Variants in HIPK1 observed in about 807,000 individuals in gnomAD.
The protein encoded by HIPK1 is homeodomain interacting protein kinase 1.
HIPK1 carries 28 observed loss-of-function variants against 117.1 expected under a neutral mutation model. That is an observed-to-expected ratio of 0.24 (90% CI 0.18 to 0.33). The LOEUF is 0.33. Ranked by LOEUF, HIPK1 falls within the 10% of genes least tolerant of loss-of-function variation. The pLI, the probability that HIPK1 is intolerant of heterozygous loss-of-function variation, is 1.00. For synonymous variants in HIPK1, 605 were observed against 562.5 expected, an observed-to-expected ratio of 1.08 and a Z score of -1.07; for missense variants, 1,122 against 1,475.1, an observed-to-expected ratio of 0.76 and a Z score of 3.92.
At chr1:113,957,915 G>A (rs963215766) in intron 7 of HIPK1, 151 bp from the exon 8 acceptor site, 1 of 629,238 alleles carries the variant, frequency 1.6e-6, no homozygotes, top group Non-Finnish European at 2.7e-6. Context: ...AGGGACTAGG[G>A]AAGTTTCTTA....
In HIPK1 at chr1:113,973,428, C is replaced by A. The variant is rs1413810218; in HGVS notation, c.3549C>A (p.Ser1183=). 1.2e-6 allele frequency: 2 copies of A among 1,614,042 alleles called. No individual in the cohort carries two copies. The highest frequency in any genetic ancestry group is 2.2e-5 in the South Asian group (2 of 91,076). The change falls in exon 16 of 16, where the codon TCC becomes TCA. Residue 1183 remains serine (S), a synonymous_variant. Coordinates refer to ENST00000426820, the MANE Select transcript of HIPK1 (RefSeq NM_198268.3). ...ACCAACACCAGTTTGCCACCCAATC[C>A]TACATTGGGTCTTCCCGAGGCTCAA... ...AQYQHQFATQ[S]YIGSSRGSTI...
chr1:113,964,173 G>A (rs919023392), intron 10 of HIPK1, among the ~76,000 whole-genome samples: 4 of 152,178 alleles, frequency 2.6e-5, no homozygotes, highest in African/African-American at 9.7e-5. Flanking sequence ...AGATCATATT[G>A]TAGGTCATAT....
chr1:113,972,947 T>G, intron 15 of HIPK1, 77 bp from the exon 16 acceptor site: 75 of 1,456,708 alleles, frequency 5.1e-5, no homozygotes, highest in Middle Eastern at 1.8e-4. Context: ...AGTCAGAACC[T>G]GAGCTCTTAA....
At chr1:113,956,904 G>A in intron 6 of HIPK1, 93 bp downstream of exon 6, 2 of 1,209,592 alleles carry the variant, frequency 1.7e-6, no homozygotes, top group Admixed American at 4.1e-5. Context: ...CGCCACTTTG[G>A]TGCTTATAAA....
Position 113,968,474 on chromosome 1 carries a change from A to C in HIPK1, c.2597A>C (p.Tyr866Ser), listed in dbSNP as rs761732212. Residue 866 changes from tyrosine (Y) to serine (S), a missense_variant, in exon 13 of 16, where the codon TAT becomes TCT. Coordinates refer to ENST00000426820, the MANE Select transcript of HIPK1 (RefSeq NM_198268.3). ...CTAGATGTTCTGCCTTCCCAAGTCT[A>C]TTCTCTGGTTGGGAGCAGTCCCCTC... ...SSLDVLPSQV[Y>S]SLVGSSPLRT... 2.5e-6 allele frequency: 4 copies of C among 1,613,890 alleles called. No homozygotes were observed. The highest frequency in any genetic ancestry group is 3.4e-6 in the Non-Finnish European group (4 of 1,179,886).
intron 1 of HIPK1, among the ~76,000 whole-genome samples, chr1:113,940,116 CT>C (rs1230970426): frequency 4.6e-5 from 7 of 151,994 alleles, no homozygotes; most frequent in Non-Finnish European, 7.4e-5. Context: ...ATACTGGTTA[CT>C]TTTTTATCTT....
chr1:113,943,739 C>G (rs1172336673), intron 2 of HIPK1, among the ~76,000 whole-genome samples: 2 of 152,192 alleles, frequency 1.3e-5, no homozygotes, highest in African/African-American at 4.8e-5. Flanking sequence ...TTTTACATTC[C>G]TACCAGCAGT....
intron 1 of HIPK1, among the ~76,000 whole-genome samples, chr1:113,934,552 A>C (rs189390823): frequency 4.3e-4 from 66 of 152,298 alleles, no homozygotes; most frequent in African/African-American, 1.5e-3. Context: ...CAAATTTGTC[A>C]TTATATTGAG....
intron 8 of HIPK1, among the ~76,000 whole-genome samples, chr1:113,959,171 A>G (rs898849662): frequency 3.3e-5 from 5 of 152,164 alleles, no homozygotes; most frequent in Non-Finnish European, 7.3e-5. Flanking sequence ...CAGGTATTTC[A>G]TATAACACTT....
chr1:113,953,938 T>A (rs1019208840), intron 3 of HIPK1: 2 of 152,050 alleles, frequency 1.3e-5, no homozygotes, highest in African/African-American at 4.8e-5. Flanking sequence ...ACACAGTAAG[T>A]ACACCAGTTT....
Position 113,962,450 on chromosome 1 carries a change from A to G in HIPK1, c.2103+12A>G. On this transcript the variant is annotated intron_variant, in intron 9 of 15. Transcript: ENST00000426820. Reference sequence around the variant, plus strand: ...GAGTTCTCACGCAGGTAAAAGCTAGAGCAATGTGGATACTCAGTATTGCTA... The same window carrying G: ...GAGTTCTCACGCAGGTAAAAGCTAGGGCAATGTGGATACTCAGTATTGCTA... The G allele has an allele frequency of 6.2e-7, 1 of 1,612,444 alleles. No individual in the cohort carries two copies. The highest frequency in any genetic ancestry group is 8.5e-7 in the Non-Finnish European group (1 of 1,179,150).
intron 2 of HIPK1, among the ~76,000 whole-genome samples, chr1:113,952,564 C>T (rs994838507): frequency 4.6e-5 from 7 of 152,232 alleles, no homozygotes; most frequent in African/African-American, 1.7e-4. Context: ...TCTGCATTAC[C>T]TTTCTGAAAT....
At chr1:113,957,507 T>C (rs560140449) in intron 7 of HIPK1, among the ~76,000 whole-genome samples, 5 of 152,222 alleles carry the variant, frequency 3.3e-5, no homozygotes, top group Non-Finnish European at 7.3e-5. Context: ...CCCTCATATG[T>C]TCAGCATCGT....
intron 7 of HIPK1, 49 bp downstream of exon 7, chr1:113,957,335 TA>T (rs1311884576): frequency 6.8e-7 from 1 of 1,468,464 alleles, no homozygotes; most frequent in Admixed American, 1.8e-5. Context: ...GGATAGAAAC[TA>T]GTAAGAATAC....
At position 113,977,016 on chromosome 1, in the gene HIPK1, A is replaced by G. The variant is rs1367635891; in HGVS notation, c.*3504A>G. ...CCCCAGGAATAAGAACTCCATTTCA[A>G]ACAGTTCTGGCCATTCTGAGCCTGC... On this transcript the variant is annotated 3_prime_UTR_variant, in exon 16 of 16. Transcript: ENST00000426820. 2.6e-5 allele frequency: 4 copies of G among 152,794 alleles called. No homozygotes were observed. The highest frequency in any genetic ancestry group is 9.7e-5 in the African/African-American group (4 of 41,446). 9.5% of individuals were successfully genotyped at this position (152,794 alleles called of 1,614,324 possible).
intron 4 of HIPK1, among the ~76,000 whole-genome samples, chr1:113,955,073 T>C (rs974981471): frequency 1.3e-5 from 2 of 152,232 alleles, no homozygotes; most frequent in Non-Finnish European, 2.9e-5. Flanking sequence ...GACTGATTTT[T>C]AGAGAATTCT....
intron 1 of HIPK1, among the ~76,000 whole-genome samples, chr1:113,940,034 A>G (rs1281595539): frequency 6.7e-6 from 1 of 148,350 alleles, no homozygotes; most frequent in Non-Finnish European, 1.5e-5. Flanking sequence ...CGAACTCCTC[A>G]GCTCAGGAGA....
At chr1:113,955,005 A>G (rs1177982482) in intron 4 of HIPK1, among the ~76,000 whole-genome samples, 1 of 152,252 alleles carries the variant, frequency 6.6e-6, no homozygotes, top group Non-Finnish European at 1.5e-5. Flanking sequence ...CACAGCTGAT[A>G]GAAAGTTTGG....
intron 2 of HIPK1, among the ~76,000 whole-genome samples, chr1:113,949,990 T>C (rs553011374): frequency 6.6e-6 from 1 of 152,284 alleles, no homozygotes; most frequent in East Asian, 1.9e-4. Flanking sequence ...TGTTAAAAAG[T>C]GTAAGCCCGA....
Sources: gnomAD v4.1 joint callset for allele counts (sites outside exome capture counted in the v4.1 genomes callset) on GRCh38, gnomAD v4.1.1 for gene constraint, MANE v1.5 for transcripts, NCBI Gene and HGNC (gene_info 2026-07-23, HGNC 2026-07-21) for gene names.